Variants in LOXHD1 observed in about 807,000 individuals in gnomAD.
LOXHD1 encodes lipoxygenase homology domain-containing protein 1.
In LOXHD1, 205 loss-of-function variants were observed where a neutral mutation model predicts 248.2. The observed-to-expected ratio is 0.83, with a 90% CI of 0.74 to 0.93. The LOEUF (loss-of-function observed/expected upper bound fraction) is 0.93. Among genes scored for constraint, LOXHD1 ranks in the 40% least tolerant of loss-of-function variants. LOXHD1 has a pLI of 0.00. For synonymous variants in LOXHD1, 1,113 were observed against 1,162.8 expected (o/e 0.96, Z 0.87); for missense variants, 2,930 against 2,971.6 (o/e 0.99, Z 0.33).
In LOXHD1 at chr18:46,577,775, G is replaced by C. The variant is rs2037886550; in HGVS notation, c.1902C>G (p.Tyr634Ter). ...HDGKGSGSGW[Y>*]LDRVLVREEG... ...CCTCTCTCACCAGCACTCTGTCCAG[G>C]TACCAGCCGCTGCCGGAGCCTTTGC... is the stretch of plus-strand genomic sequence containing the variant. The change falls in exon 14 of 41, where the codon TAC becomes TAG. Residue 634 changes from tyrosine (Y) to a stop codon, truncating the protein, a stop_gained. Coordinates refer to ENST00000642948, the MANE Select transcript of LOXHD1 (RefSeq NM_001384474.1). LOFTEE classifies it high-confidence loss of function. The C allele has an allele frequency of 6.4e-7, 1 of 1,551,494 alleles. No homozygotes were observed. The highest frequency in any genetic ancestry group is 8.7e-7 in the Non-Finnish European group (1 of 1,146,988).
Position 46,649,227 on chromosome 18 carries a change from C to T in LOXHD1, c.173G>A (p.Gly58Glu), listed in dbSNP as rs888985745. The change falls in exon 2 of 41, where the codon GGG (glycine) becomes GAG (glutamate). Residue 58 changes from glycine (G) to glutamate (E), a missense_variant. Transcript: ENST00000642948. The part of the protein sequence containing the change: ...VTATGDVRGA[G>E]TDANVFITLF... ...CGTGATGAAGACATTGGCATCCGTC[C>T]CTGCACCGCGAACATCCCCCGTGGC... The T allele has an allele frequency of 3.2e-6, 5 of 1,551,808 alleles. No individual in the cohort carries two copies. Among genetic ancestry groups the T allele is most frequent in the Non-Finnish European group, 3.5e-6 (4 of 1,147,022 alleles).
chr18:46,610,664 T>G (rs1599048024), intron 6 of LOXHD1, 112 bp downstream of exon 6: 1 of 1,236,772 alleles, frequency 8.1e-7, no homozygotes, highest in South Asian at 1.9e-5. Flanking sequence ...GGTAGAAGAG[T>G]GGATGCAGAT....
intron 2 of LOXHD1, among the ~76,000 whole-genome samples, chr18:46,648,553 G>A (rs569175772): frequency 6.6e-6 from 1 of 152,304 alleles, no homozygotes. Flanking sequence ...ATGTTCTCAG[G>A]TTTTGCATGT....
At chr18:46,512,030 C>T (rs551128501) in intron 34 of LOXHD1, among the ~76,000 whole-genome samples, 17 of 152,288 alleles carry the variant, frequency 1.1e-4, no homozygotes, top group African/African-American at 3.4e-4. Context: ...TTGGGTCAAG[C>T]TAACTTTGGG....
chr18:46,545,740 C>T (rs1404130189), intron 22 of LOXHD1, among the ~76,000 whole-genome samples: 1 of 148,004 alleles, frequency 6.8e-6, no homozygotes, highest in East Asian at 1.9e-4. Flanking sequence ...CGCCATTCTC[C>T]TGCCTCAGCC....
chr18:46,522,227 C>T lies in LOXHD1; in HGVS notation c.4959G>A (p.Gly1653=). ...TGCGCTTACTACGTTCATCATCCTC[C>T]CCGATGAGAAAGATGAAGGCTCGGC... is the stretch of plus-strand genomic sequence containing the variant. ...TDSRAFIFLI[G]EDDERSKRIW... The change falls in exon 32 of 41, where the codon GGG becomes GGA. Residue 1653 remains glycine, a synonymous_variant. Coordinates refer to ENST00000642948, the MANE Select transcript of LOXHD1 (RefSeq NM_001384474.1). The T allele has an allele frequency of 6.4e-7, 1 of 1,551,872 alleles. No individual in the cohort carries two copies. The highest frequency in any genetic ancestry group is 2.4e-5 in the East Asian group (1 of 40,926).
intron 37 of LOXHD1, among the ~76,000 whole-genome samples, chr18:46,500,456 T>C (rs1443286274): frequency 6.6e-6 from 1 of 152,192 alleles, no homozygotes; most frequent in Non-Finnish European, 1.5e-5. Flanking sequence ...CTTAAATATT[T>C]CTCAAATCGG....
chr18:46,623,988 G>C (rs563809545), intron 4 of LOXHD1, among the ~76,000 whole-genome samples: 1 of 152,342 alleles, frequency 6.6e-6, no homozygotes, highest in South Asian at 2.1e-4. Flanking sequence ...GACCCAGTGC[G>C]ATCTGAACCT....
intron 2 of LOXHD1, among the ~76,000 whole-genome samples, chr18:46,645,636 G>T (rs1365880254): frequency 1.3e-5 from 2 of 152,164 alleles, no homozygotes; most frequent in Admixed American, 6.5e-5. Flanking sequence ...CTGGGGTGGG[G>T]TCGGGGTAGA....
intron 40 of LOXHD1, 117 bp downstream of exon 40, chr18:46,483,470 A>T: frequency 8.0e-7 from 1 of 1,252,914 alleles, no homozygotes; most frequent in Non-Finnish European, 1.1e-6. Flanking sequence ...TGAACAGGGT[A>T]ATCTTGACCT....
At chr18:46,619,914 A>G (rs2038644862) in intron 4 of LOXHD1, among the ~76,000 whole-genome samples, 1 of 151,992 alleles carries the variant, frequency 6.6e-6, no homozygotes, top group African/African-American at 2.4e-5. Context: ...CCACTGTCAG[A>G]CTCCCACACC....
At chr18:46,606,405 C>T (rs1031404284) in intron 6 of LOXHD1, among the ~76,000 whole-genome samples, 4 of 151,980 alleles carry the variant, frequency 2.6e-5, no homozygotes, top group African/African-American at 9.7e-5. Flanking sequence ...CAAAATGCTC[C>T]AAAGTCCAAA....
chr18:46,639,826 C>T, intron 3 of LOXHD1, 26 bp from the exon 4 acceptor site: 1 of 1,551,510 alleles, frequency 6.4e-7, no homozygotes, highest in Admixed American at 2.0e-5. Context: ...AGGCCCACAC[C>T]ATCACTGGCA....
At chr18:46,649,376 T>C in intron 1 of LOXHD1, 107 bp from the exon 2 acceptor site, 1 of 887,602 alleles carries the variant, frequency 1.1e-6, no homozygotes, top group East Asian at 2.7e-5. Context: ...CACAAAGGAC[T>C]CTTGGAATCC....
chr18:46,613,404 A>G (rs1001335592), intron 5 of LOXHD1, among the ~76,000 whole-genome samples: 8 of 152,018 alleles, frequency 5.3e-5, no homozygotes, highest in African/African-American at 1.9e-4. Context: ...TTGTATTGTA[A>G]TCTTATATCC....
chr18:46,589,028 T>A (rs1599031707), intron 12 of LOXHD1, among the ~76,000 whole-genome samples: 1 of 151,838 alleles, frequency 6.6e-6, no homozygotes, highest in South Asian at 2.1e-4. Flanking sequence ...CTAAGTGGGG[T>A]GGGCATGGAC....
rs1403262249 is a variant in LOXHD1, at chr18:46,519,112, A to G, written c.5272-856T>C. 8.1e-6 allele frequency: 8 copies of G among 983,958 alleles called. No homozygotes were observed. The African/African-American group carries it at 1.4e-4, about 17-fold the overall frequency. 61.0% of individuals were successfully genotyped at this position (983,958 alleles called of 1,614,324 possible). ...CCTCGTGGCAAGAGAAAGCACTTAC[A>G]CTGATGTTCTAGAATGTTCTTTGGT... is the stretch of plus-strand genomic sequence containing the variant. On this transcript the variant is annotated intron_variant, in intron 33 of 40. Transcript: ENST00000642948.
chr18:46,560,401 G>T lies in LOXHD1; in HGVS notation c.2743C>A (p.Arg915=). The T allele has an allele frequency of 6.4e-7, 1 of 1,550,520 alleles. No individual in the cohort carries two copies. Residue 915 remains arginine, a synonymous_variant, in exon 19 of 41, where the codon CGG becomes AGG. Transcript: ENST00000642948. ...AGCTTGTCCTTCTCCTTCTTCTTCC[G>T]GGCCTCCTCCTCCGGCGTGAGGTCC... is the stretch of plus-strand genomic sequence containing the variant. The part of the protein sequence containing the change: ...EVDLTPEEEA[R]KKKEKDKLRQ...
chr18:46,580,130 C>G (rs917489920), intron 12 of LOXHD1, among the ~76,000 whole-genome samples: 2 of 152,226 alleles, frequency 1.3e-5, no homozygotes, highest in Admixed American at 6.5e-5. Flanking sequence ...TCAGGTTTCT[C>G]AACTCTGAAT....
Sources: gnomAD v4.1 joint callset for allele counts (sites outside exome capture counted in the v4.1 genomes callset) on GRCh38, gnomAD v4.1.1 for gene constraint, MANE v1.5 for transcripts, NCBI Gene and HGNC (gene_info 2026-07-23, HGNC 2026-07-21) for gene names.